The following ING1 variants were observed in gnomAD, a reference collection of about 807,000 sequenced individuals.
ING1 encodes the protein inhibitor of growth family member 1, also known as inhibitor of growth protein 1.
In ING1, 4 loss-of-function variants were observed where a neutral mutation model predicts 23.1. That is an observed-to-expected ratio of 0.17 (90% CI 0.09 to 0.40). The LOEUF (loss-of-function observed/expected upper bound fraction) is 0.40. ING1 is among the 10% of genes least tolerant of loss of function. The pLI, the probability that ING1 is intolerant of heterozygous loss-of-function variation, is 1.00. For synonymous variants in ING1, 179 were observed against 166.4 expected (o/e 1.08, Z -0.58); for missense variants, 256 against 393.8 (o/e 0.65, Z 2.96).
At chr13:110,717,148 C>A (rs899523291) in intron 1 of ING1, among the ~76,000 whole-genome samples, 3 of 152,044 alleles carry the variant, frequency 2.0e-5, no homozygotes, top group Non-Finnish European at 4.4e-5. Context: ...AGAAGTGATA[C>A]CATTTTGTAA....
chr13:110,714,958 TAGGGA>T (rs932613339), intron 1 of ING1: 99 of 976,390 alleles, frequency 1.0e-4, no homozygotes, highest in Middle Eastern at 5.1e-4. Flanking sequence ...CTGTGTGCCG[TAGGGA>T]AGGGAAGGGA....
At position 110,716,444 on chromosome 13, in the gene ING1, T is replaced by C. The variant is rs1489508286; in HGVS notation, c.136+2159T>C. 2.6e-5 allele frequency among the ~76,000 whole-genome samples: 4 copies of C among 152,186 alleles called. No homozygotes were observed. In the East Asian group the frequency reaches 7.7e-4, roughly 29 times the overall value. ...TAAATGCTGAGCTCTGCCGCGTAGT[T>C]CTGAAAGACTTCCACAGACCTACTC... On this transcript the variant is annotated intron_variant, in intron 1 of 1. Transcript: ENST00000333219.
At chr13:110,716,374 G>A (rs1026533543) in intron 1 of ING1, among the ~76,000 whole-genome samples, 1 of 152,164 alleles carries the variant, frequency 6.6e-6, no homozygotes, top group African/African-American at 2.4e-5. Context: ...GCGCCGAGAA[G>A]CGAGCGAATC....
intron 1 of ING1, chr13:110,715,769 C>G: frequency 1.3e-6 from 2 of 1,585,654 alleles, no homozygotes; most frequent in African/African-American, 1.4e-5. Context: ...GGGCGAGTCT[C>G]CCGCTGGCCT....
In ING1 at chr13:110,721,241, C is replaced by T. The variant is rs1283260103; in HGVS notation, c.*1309C>T. On this transcript the variant is annotated 3_prime_UTR_variant, in exon 2 of 2. Coordinates refer to ENST00000333219, the MANE Select transcript of ING1 (RefSeq NM_198219.3). ...GACTAGCATCTAACATTGATTTGCC[C>T]ACATATTGAAAGGGTCAGTGGAGTT... The T allele has an allele frequency of 6.5e-6, 1 of 153,756 alleles. No individual in the cohort carries two copies. The highest frequency in any genetic ancestry group is 1.5e-5 in the Non-Finnish European group (1 of 68,044). 9.5% of individuals were successfully genotyped at this position (153,756 alleles called of 1,614,324 possible).
At position 110,720,111 on chromosome 13, in the gene ING1, G is replaced by T. The variant is rs940461806; in HGVS notation, c.*179G>T. 9.8e-6 allele frequency: 5 copies of T among 509,060 alleles called. No individual in the cohort carries two copies. Among genetic ancestry groups the T allele is most frequent in the Non-Finnish European group, 1.7e-5 (5 of 287,236 alleles). The allele number at this position is 509,060 out of a possible 1,614,324, so 31.5% of individuals were successfully genotyped here. ...TTGCCTTTTGTTTTCATTGGTACAC[G>T]TGTAACAAGAAAGTGGTCTGTGGAT... is the stretch of plus-strand genomic sequence containing the variant. On this transcript the variant is annotated 3_prime_UTR_variant, in exon 2 of 2. Transcript: ENST00000333219.
chr13:110,714,273 G>A lies in ING1; in HGVS notation c.124G>A (p.Ala42Thr), dbSNP rs772076689. 2.5e-6 allele frequency: 4 copies of A among 1,571,638 alleles called. No individual in the cohort carries two copies. The highest frequency in any genetic ancestry group is 2.8e-5 in the African/African-American group (2 of 71,524). The change falls in exon 1 of 2, where the codon GCG becomes ACG. Residue 42 changes from alanine to threonine, a missense_variant. By Grantham distance (58) the Ala-to-Thr change is moderately conservative. Coordinates refer to ENST00000333219, the MANE Select transcript of ING1 (RefSeq NM_198219.3). ...RNVSLMREID[A>T]KYQEILKELD... The stretch of plus-strand genomic sequence containing the variant: ...TGTCTCGCTGATGCGGGAGATCGAC[G>A]CGAAATACCAAGGTACGGCCGGGTG...
chr13:110,719,585 A>C lies in ING1; in HGVS notation c.493A>C (p.Asn165His), dbSNP rs2064154817. Residue 165 changes from asparagine to histidine, a missense_variant, in exon 2 of 2, where the codon AAC becomes CAC. Physicochemically the swap from Asn to His is moderately conservative, Grantham distance 68. Around this residue, in one of 3 missense-constraint regions of ING1, gnomAD observed 209 missense variants for 273.8 expected, o/e 0.76. Coordinates refer to ENST00000333219, the MANE Select transcript of ING1 (RefSeq NM_198219.3). The surrounding 1 kb of genome is among the most constrained non-coding windows in gnomAD (Gnocchi z 8.9). ...CGAGAACCGTGAGAACGCGTCCAGCAACCACGACCACGACGACGGCGCCTC... is the reference window on the plus strand; with the variant it reads ...CGAGAACCGTGAGAACGCGTCCAGCCACCACGACCACGACGACGGCGCCTC... ...NNENRENASS[N>H]HDHDDGASGT... 6.2e-7 allele frequency: 1 copy of C among 1,611,442 alleles called. No homozygotes were observed. The highest frequency in any genetic ancestry group is 8.5e-7 in the Non-Finnish European group (1 of 1,179,310).
chr13:110,715,537 CTG>C (rs763324163), intron 1 of ING1: 9 of 1,614,156 alleles, frequency 5.6e-6, no homozygotes, highest in Admixed American at 1.7e-5. Context: ...TGGTATGGGT[CTG>C]TGTTTCCGCT....
intron 1 of ING1, among the ~76,000 whole-genome samples, chr13:110,718,381 A>T (rs1287817552): frequency 6.6e-6 from 1 of 152,192 alleles, no homozygotes; most frequent in Admixed American, 6.5e-5. Flanking sequence ...GCACCACTGC[A>T]CTCCAGCCTG....
Position 110,715,631 on chromosome 13 carries a change from A to G in ING1, c.136+1346A>G, listed in dbSNP as rs774110317. On this transcript the variant is annotated intron_variant, in intron 1 of 1. Transcript: ENST00000333219. ...AACGTCTTCGGGTCGCTCGGCCTCC[A>G]GCCTTGGATTGGTTCTTCTCGCTGC... 8 of 1,613,854 alleles carry G rather than the reference A, an allele frequency of 5.0e-6. No homozygotes were observed. The South Asian group carries it at 8.8e-5, about 18-fold the overall frequency.
At position 110,720,006 on chromosome 13, in the gene ING1, T is replaced by A; in HGVS notation, c.*74T>A. ...TATTACATTGCTGCCTTTGTTGAGGTGCAAGGAGTGTAAAATGTATATTTT... is the reference window on the plus strand; with the variant it reads ...TATTACATTGCTGCCTTTGTTGAGGAGCAAGGAGTGTAAAATGTATATTTT... On this transcript the variant is annotated 3_prime_UTR_variant, in exon 2 of 2. Coordinates refer to ENST00000333219, the MANE Select transcript of ING1 (RefSeq NM_198219.3). 1 of 1,034,888 alleles carries A rather than the reference T, an allele frequency of 9.7e-7. No homozygotes were observed. The highest frequency in any genetic ancestry group is 1.4e-6 in the Non-Finnish European group (1 of 718,752). 64.1% of individuals were successfully genotyped at this position (1,034,888 alleles called of 1,614,324 possible).
chr13:110,715,854 C>T, intron 1 of ING1: 1 of 1,594,790 alleles, frequency 6.3e-7, no homozygotes, highest in Non-Finnish European at 8.5e-7. Flanking sequence ...CTTTCGGGCG[C>T]GGATTTATAG....
At chr13:110,713,696 A>G, upstream of ING1, 1 of 985,180 alleles carries the variant, frequency 1.0e-6, no homozygotes. Context: ...TGAAACTGGT[A>G]TTTGGGTTTT....
Position 110,714,016 on chromosome 13 carries a change from GC to G in ING1, c.-132del. The G allele has an allele frequency of 8.4e-7, 1 of 1,193,118 alleles. No homozygotes were observed. Among genetic ancestry groups the G allele is most frequent in the Non-Finnish European group, 1.0e-6 (1 of 960,144 alleles). The allele number at this position is 1,193,118 out of a possible 1,614,324, so 73.9% of individuals were successfully genotyped here. On this transcript the variant is annotated 5_prime_UTR_variant, in exon 1 of 2. Coordinates refer to ENST00000333219, the MANE Select transcript of ING1 (RefSeq NM_198219.3). ...CGGGCTCGGCAGATGTAGCCGCCGG[GC>G]CGAAGCAGGAGCCGGCGGGGGGGCG... is the stretch of plus-strand genomic sequence containing the variant.
intron 1 of ING1, among the ~76,000 whole-genome samples, chr13:110,714,633 G>A (rs1014659293): frequency 6.6e-6 from 1 of 152,192 alleles, no homozygotes; most frequent in Non-Finnish European, 1.5e-5. Flanking sequence ...GGCGCGAGAT[G>A]GAGGGATGTG....
At position 110,719,826 on chromosome 13, in the gene ING1, A is replaced by G; in HGVS notation, c.734A>G (p.His245Arg). 6.2e-7 allele frequency: 1 copy of G among 1,614,038 alleles called. No homozygotes were observed. Among genetic ancestry groups the G allele is most frequent in the Non-Finnish European group, 8.5e-7 (1 of 1,180,006 alleles). Residue 245 changes from histidine (H) to arginine (R), a missense_variant, in exon 2 of 2, where the codon CAT becomes CGT. His to Arg is a conservative substitution (Grantham distance 29). Around this residue, in one of 3 missense-constraint regions of ING1, gnomAD observed 25 missense variants for 95.8 expected, o/e 0.26. Coordinates refer to ENST00000333219, the MANE Select transcript of ING1 (RefSeq NM_198219.3). The surrounding 1 kb of genome is among the most constrained non-coding windows in gnomAD (Gnocchi z 8.9). ...WFHFSCVGLN[H>R]KPKGKWYCPK... is the part of the protein sequence containing the mutation. Reference sequence around the variant, plus strand: ...CACTTCTCGTGCGTGGGGCTCAATCATAAACCCAAGGGCAAGTGGTACTGT... The same window carrying G: ...CACTTCTCGTGCGTGGGGCTCAATCGTAAACCCAAGGGCAAGTGGTACTGT...
rs1159110364 is a variant in ING1, at chr13:110,719,688, C to A, written c.596C>A (p.Ser199Tyr). 2 of 1,613,968 alleles carry A rather than the reference C, an allele frequency of 1.2e-6. No individual in the cohort carries two copies. The highest frequency in any genetic ancestry group is 1.7e-6 in the Non-Finnish European group (2 of 1,179,958). The change falls in exon 2 of 2, where the codon TCC (serine) becomes TAC (tyrosine). Residue 199 changes from serine to tyrosine, a missense_variant. Ser to Tyr is a moderately radical substitution (Grantham distance 144). This residue lies in a region of ING1 where 25 missense variants were observed against 95.8 expected (regional missense o/e 0.26). Transcript: ENST00000333219. This position sits in a 1 kb window ranked among gnomAD's most constrained non-coding sequence, Gnocchi z 8.9. ...RSKAKAEREA[S>Y]PADLPIDPNE... is the part of the protein sequence containing the mutation. The stretch of plus-strand genomic sequence containing the variant: ...AAGGCCAAGGCGGAGCGAGAGGCGT[C>A]CCCTGCCGACCTCCCCATCGACCCC...
chr13:110,715,525 A>G, intron 1 of ING1: 1 of 1,614,180 alleles, frequency 6.2e-7, no homozygotes, highest in South Asian at 1.1e-5. Flanking sequence ...TAGCGCAATA[A>G]CTGGTATGGG....
Sources: allele counts gnomAD v4.1 joint callset (sites outside exome capture counted in the v4.1 genomes callset), GRCh38; gene constraint gnomAD v4.1.1; regional missense constraint gnomAD v4.1.1; non-coding constraint Gnocchi (gnomAD v3.1); transcripts MANE v1.5; gene names NCBI Gene and HGNC (gene_info 2026-07-23, HGNC 2026-07-21).